NPEPPS: variants seen among roughly 807,000 people sequenced by gnomAD.
NPEPPS encodes the protein aminopeptidase puromycin sensitive.
A neutral mutation model predicts 115.5 loss-of-function variants in NPEPPS; 14 were observed. The ratio of observed to expected loss-of-function variants is 0.12; its 90% CI spans 0.08 to 0.19. The LOEUF is 0.19. Among genes scored for constraint, NPEPPS ranks in the 10% least tolerant of loss-of-function variants. The probability of loss-of-function intolerance (pLI) is 1.00; values close to 1 mark genes in which losing one functional copy is unlikely to be tolerated. For missense variants in NPEPPS, 523 were observed against 1,110.8 expected (o/e 0.47, Z 7.52); for synonymous variants, 285 against 390.6 (o/e 0.73, Z 3.19).
intron 9 of NPEPPS, among the ~76,000 whole-genome samples, chr17:47,589,616 A>G (rs1164974624): frequency 1.3e-5 from 2 of 152,174 alleles, no homozygotes; most frequent in African/African-American, 2.4e-5. Flanking sequence ...TTAGATTAAG[A>G]TCTTTCAAAT....
At chr17:47,537,643 G>C (rs1597810954) in intron 1 of NPEPPS, among the ~76,000 whole-genome samples, 2 of 152,060 alleles carry the variant, frequency 1.3e-5, no homozygotes, top group East Asian at 3.9e-4. Flanking sequence ...GGAGGTTGCG[G>C]TGAGCTGAGA....
At position 47,585,524 on chromosome 17, in the gene NPEPPS, C is replaced by T. The variant is rs763445892; in HGVS notation, c.673C>T (p.Pro225Ser). Residue 225 changes from proline (P) to serine (S), a missense_variant, in exon 6 of 23, where the codon CCT becomes TCT. Coordinates refer to ENST00000322157, the MANE Select transcript of NPEPPS (RefSeq NM_006310.4). The part of the protein sequence containing the change: ...NMNVIDRKPY[P>S]DDENLVEVKF... Reference sequence around the variant, plus strand: ...GAATGTAATTGACCGGAAACCATACCCTGATGATGAAAATTTAGTGGAAGT... The same window carrying T: ...GAATGTAATTGACCGGAAACCATACTCTGATGATGAAAATTTAGTGGAAGT... 36 of 1,612,636 alleles carry T rather than the reference C, an allele frequency of 2.2e-5. No homozygotes were observed. The Admixed American group carries it at 5.8e-4, about 26-fold the overall frequency.
intron 2 of NPEPPS, among the ~76,000 whole-genome samples, chr17:47,565,993 C>CA: frequency 6.6e-6 from 1 of 152,208 alleles, no homozygotes; most frequent in South Asian, 2.1e-4. Flanking sequence ...ACACCCTGCA[C>CA]ATTTTTTTCT....
intron 3 of NPEPPS, among the ~76,000 whole-genome samples, chr17:47,573,440 TAA>T (rs956063824): frequency 6.6e-6 from 1 of 152,170 alleles, no homozygotes; most frequent in African/African-American, 2.4e-5. Context: ...AATTTCGGAG[TAA>T]AAATATTTTC....
At chr17:47,579,823 G>C (rs1445204086) in intron 4 of NPEPPS, 2 of 185,036 alleles carry the variant, frequency 1.1e-5, no homozygotes, top group African/African-American at 4.8e-5. Flanking sequence ...GACACCTATG[G>C]CTTTTCCTAC....
intron 2 of NPEPPS, among the ~76,000 whole-genome samples, chr17:47,556,963 C>T (rs547607598): frequency 6.6e-6 from 1 of 152,232 alleles, no homozygotes; most frequent in East Asian, 1.9e-4. Flanking sequence ...TTTCTTGATC[C>T]CAGATCTTTT....
intron 1 of NPEPPS, among the ~76,000 whole-genome samples, chr17:47,534,677 C>G (rs1253304432): frequency 1.3e-5 from 2 of 151,956 alleles, no homozygotes; most frequent in Admixed American, 6.6e-5. Context: ...AAGCGAGTCT[C>G]CTTGCCTCAG....
chr17:47,555,709 T>G (rs1039701398), intron 2 of NPEPPS, among the ~76,000 whole-genome samples: 6 of 151,940 alleles, frequency 3.9e-5, no homozygotes, highest in Admixed American at 2.0e-4. Flanking sequence ...AATGCTTCCT[T>G]ACTTTTTTTC....
intron 1 of NPEPPS, among the ~76,000 whole-genome samples, chr17:47,544,978 T>C (rs552537588): frequency 1.3e-5 from 2 of 149,732 alleles, no homozygotes; most frequent in African/African-American, 4.9e-5. Flanking sequence ...GTGCCAAGAT[T>C]ACAGGTGTGA....
At position 47,537,892 on chromosome 17, in the gene NPEPPS, T is replaced by C. The variant is rs1597811304; in HGVS notation, c.255+6337T>C. Among the ~76,000 whole-genome samples, 3 of 151,958 alleles carry C rather than the reference T, an allele frequency of 2.0e-5. No homozygotes were observed. The East Asian group carries it at 5.8e-4, about 29-fold the overall frequency. On this transcript the variant is annotated intron_variant, in intron 1 of 22. Transcript: ENST00000322157. The stretch of plus-strand genomic sequence containing the variant: ...TATCAGTTTCATATCTGTTTTTTTT[T>C]TTCTTTTTTTTTTCTTTTTGAGACG...
rs1201432358 is a variant in NPEPPS, at chr17:47,622,343, G to C, written c.*423G>C. ...CAAGGAGCCTATAAAGCCAAGGGTG[G>C]TGTCCATTTCTGGGAATGGTTAAAC... On this transcript the variant is annotated 3_prime_UTR_variant, in exon 23 of 23. Coordinates refer to ENST00000322157, the MANE Select transcript of NPEPPS (RefSeq NM_006310.4). 1 of 161,420 alleles carries C rather than the reference G, an allele frequency of 6.2e-6. No homozygotes were observed. The highest frequency in any genetic ancestry group is 2.4e-5 in the African/African-American group (1 of 41,420). 10.0% of individuals were successfully genotyped at this position (161,420 alleles called of 1,614,324 possible).
chr17:47,546,571 C>T (rs1047105256), intron 2 of NPEPPS, among the ~76,000 whole-genome samples: 1 of 151,794 alleles, frequency 6.6e-6, no homozygotes, highest in Non-Finnish European at 1.5e-5. Context: ...CAGAGTCTTG[C>T]TCTGACACCC....
At chr17:47,556,862 T>C (rs1910078380) in intron 2 of NPEPPS, among the ~76,000 whole-genome samples, 2 of 152,220 alleles carry the variant, frequency 1.3e-5, no homozygotes, top group Admixed American at 1.3e-4. Flanking sequence ...CAGGCTGGTC[T>C]CCAACTCCTG....
Position 47,584,134 on chromosome 17 carries a change from T to C in NPEPPS, c.648+1285T>C, listed in dbSNP as rs527997902. On this transcript the variant is annotated intron_variant, in intron 5 of 22. Coordinates refer to ENST00000322157, the MANE Select transcript of NPEPPS (RefSeq NM_006310.4). ...TACTTGGGAGGCTGAGGCAGGAGAATTGCTTGAACCTGGGAGGTGGAGGCT... is the reference window on the plus strand; with the variant it reads ...TACTTGGGAGGCTGAGGCAGGAGAACTGCTTGAACCTGGGAGGTGGAGGCT... Among the ~76,000 whole-genome samples, 49 of 150,630 alleles carry C rather than the reference T, an allele frequency of 3.3e-4. 1 individual carries two copies. In the East Asian group the frequency reaches 9.2e-3, roughly 28 times the overall value.
chr17:47,548,715 T>A (rs1909417587), intron 2 of NPEPPS, among the ~76,000 whole-genome samples: 1 of 151,466 alleles, frequency 6.6e-6, no homozygotes, highest in African/African-American at 2.4e-5. Flanking sequence ...TAGCTGGGAT[T>A]ACAGGCGTGT....
intron 17 of NPEPPS, among the ~76,000 whole-genome samples, chr17:47,607,941 T>C (rs1891087572): frequency 6.6e-6 from 1 of 152,028 alleles, no homozygotes; most frequent in South Asian, 2.1e-4. Context: ...AATTCCTGGA[T>C]TCAAGCTATC....
chr17:47,556,281 ACT>A (rs1910027417), intron 2 of NPEPPS, among the ~76,000 whole-genome samples: 1 of 149,228 alleles, frequency 6.7e-6, no homozygotes, highest in Non-Finnish European at 1.5e-5. Context: ...AGTGGTGATG[ACT>A]CTTAACGAGC....
intron 2 of NPEPPS, among the ~76,000 whole-genome samples, chr17:47,549,874 G>A (rs112510320): frequency 6.8e-6 from 1 of 147,708 alleles, no homozygotes; most frequent in African/African-American, 2.5e-5. Flanking sequence ...TTTAAAAAAA[G>A]AAGGTAAAAG....
At chr17:47,573,698 C>T (rs1459472267) in intron 3 of NPEPPS, among the ~76,000 whole-genome samples, 1 of 151,946 alleles carries the variant, frequency 6.6e-6, no homozygotes, top group East Asian at 1.9e-4. Flanking sequence ...CGCGCCTGGG[C>T]GACAGAGCAA....
Sources: gnomAD v4.1 joint callset for allele counts (sites outside exome capture counted in the v4.1 genomes callset) on GRCh38, gnomAD v4.1.1 for gene constraint, MANE v1.5 for transcripts, NCBI Gene and HGNC (gene_info 2026-07-23, HGNC 2026-07-21) for gene names.